The following C1QTNF1 variants were observed in gnomAD, a reference collection of about 807,000 sequenced individuals.
C1QTNF1 encodes the protein C1q and TNF related 1, also known as complement C1q tumor necrosis factor-related protein 1.
In C1QTNF1, 22 loss-of-function variants were observed where a neutral mutation model predicts 27.8. That is an observed-to-expected ratio of 0.79 (90% CI 0.56 to 1.13). The LOEUF (loss-of-function observed/expected upper bound fraction) is 1.13, where lower values mean the gene tolerates loss of function less well. Ranked by LOEUF, C1QTNF1 falls within the 50% of genes most tolerant of loss-of-function variation. C1QTNF1 has a pLI of 0.00. For missense variants in C1QTNF1, 373 were observed against 380.2 expected (o/e 0.98, Z 0.16); for synonymous variants, 166 against 154.3 (o/e 1.08, Z -0.56).
intron 1 of C1QTNF1, among the ~76,000 whole-genome samples, chr17:79,027,205 A>G (rs1302774959): frequency 1.3e-5 from 2 of 152,054 alleles, no homozygotes; most frequent in Non-Finnish European, 2.9e-5. Flanking sequence ...CTGCCTGACA[A>G]TCAGTAGCCT....
At chr17:79,047,183 C>T (rs1332410518) in intron 3 of C1QTNF1, 1 of 278,674 alleles carries the variant, frequency 3.6e-6, no homozygotes, top group African/African-American at 2.2e-5. Context: ...GGTCTGGCCG[C>T]AGAGCCCATT....
At chr17:79,047,016 T>G in intron 3 of C1QTNF1, 2 of 326,506 alleles carry the variant, frequency 6.1e-6, no homozygotes, top group South Asian at 6.2e-5. Context: ...TGGGGCTTGG[T>G]CCCCCAGCCT....
At position 79,044,119 on chromosome 17, in the gene C1QTNF1, G is replaced by A. The variant is rs375349048; in HGVS notation, c.151G>A (p.Glu51Lys). 177 of 1,606,362 alleles carry A rather than the reference G, an allele frequency of 1.1e-4. 1 individual carries two copies. Among genetic ancestry groups the A allele is most frequent in the Admixed American group, 8.1e-4 (48 of 59,496 alleles). ...EELPSPPDHA[E>K]RAEEQHEKYR... is the part of the protein sequence containing the mutation. ...GCTGCCGTCGCCTCCGGACCATGCCGAGAGGTGAGGGGCCACGAGGGTGTA... is the reference window on the plus strand; with the variant it reads ...GCTGCCGTCGCCTCCGGACCATGCCAAGAGGTGAGGGGCCACGAGGGTGTA... Residue 51 changes from glutamate (E) to lysine (K), a missense_variant, in exon 2 of 4, where the codon GAG becomes AAG. Physicochemically the swap from Glu to Lys is moderately conservative, Grantham distance 56 (BLOSUM62 1). Coordinates refer to ENST00000579760, the MANE Select transcript of C1QTNF1 (RefSeq NM_030968.5).
At chr17:79,030,521 CTTTCTTTCTTCT>C (rs1344775316) in intron 1 of C1QTNF1, among the ~76,000 whole-genome samples, 22 of 115,256 alleles carry the variant, frequency 1.9e-4, no homozygotes, top group Admixed American at 5.5e-4. Flanking sequence ...TTCTTTCTTT[CTTTCTTTCTTCT>C]TTCTTTCTTT....
At position 79,033,546 on chromosome 17, in the gene C1QTNF1, T is replaced by A. The variant is rs2072190547; in HGVS notation, c.-15+9052T>A. On this transcript the variant is annotated intron_variant, in intron 1 of 3. Coordinates refer to ENST00000579760, the MANE Select transcript of C1QTNF1 (RefSeq NM_030968.5). The stretch of plus-strand genomic sequence containing the variant: ...ATCCTGTCTCTAAAAAAAAAAAATT[T>A]TTTTTTTTAATTAGCTGGATGTGGT... 2.0e-5 allele frequency among the ~76,000 whole-genome samples: 3 copies of A among 151,902 alleles called. No individual in the cohort carries two copies. The South Asian group carries it at 6.3e-4, about 32-fold the overall frequency.
chr17:79,026,750 G>A (rs1211953996), intron 1 of C1QTNF1, among the ~76,000 whole-genome samples: 1 of 152,158 alleles, frequency 6.6e-6, no homozygotes. Context: ...TCCCAGGCAG[G>A]TGCAGCCAGC....
chr17:79,038,512 A>G (rs1217941457), intron 1 of C1QTNF1, among the ~76,000 whole-genome samples: 1 of 152,192 alleles, frequency 6.6e-6, no homozygotes, highest in Non-Finnish European at 1.5e-5. Flanking sequence ...TGGTCGCCGA[A>G]TTACCATGGA....
intron 1 of C1QTNF1, among the ~76,000 whole-genome samples, chr17:79,042,269 G>A (rs967402792): frequency 5.9e-5 from 9 of 152,280 alleles, no homozygotes; most frequent in Non-Finnish European, 1.0e-4. Flanking sequence ...ATTCCTGGGC[G>A]AGGGGAGCAA....
rs578018270 is a variant in C1QTNF1, at chr17:79,047,516, C to T, written c.296-22C>T. On this transcript the variant is annotated intron_variant, in intron 3 of 3. Coordinates refer to ENST00000579760, the MANE Select transcript of C1QTNF1 (RefSeq NM_030968.5). ...CTACCGGATTGCTCCATTAACAGCA[C>T]GCGTTTTCCCATCCCTTTTAGGGGA... 3.6e-5 allele frequency: 54 copies of T among 1,517,888 alleles called. No individual in the cohort carries two copies. The African/African-American group carries it at 4.2e-4, about 12-fold the overall frequency. The allele number at this position is 1,517,888 out of a possible 1,614,324, so 94.0% of individuals were successfully genotyped here. A position where few individuals can be genotyped will look rare whatever the true frequency, so the allele number is the denominator to read the frequency against.
At chr17:79,031,248 G>A (rs2072133774) in intron 1 of C1QTNF1, among the ~76,000 whole-genome samples, 1 of 151,636 alleles carries the variant, frequency 6.6e-6, no homozygotes, top group Non-Finnish European at 1.5e-5. Context: ...CTCGTGATCT[G>A]CCTGCCTCGG....
intron 1 of C1QTNF1, among the ~76,000 whole-genome samples, chr17:79,029,517 G>A (rs1461994240): frequency 1.7e-4 from 26 of 152,304 alleles, no homozygotes; most frequent in Non-Finnish European, 7.4e-5. Context: ...CCAGAGTCTG[G>A]CTCTCAGTGG....
chr17:79,040,581 A>C (rs58270673), intron 1 of C1QTNF1, among the ~76,000 whole-genome samples: 21,972 of 151,626 alleles, frequency 0.14, 2,060 homozygotes, highest in African/African-American at 0.26. Flanking sequence ...TCTGAGTCCA[A>C]ATGCAGCCCC....
In C1QTNF1 at chr17:79,046,008, G is replaced by A. The variant is rs1294032304; in HGVS notation, c.156-547G>A. On this transcript the variant is annotated intron_variant, in intron 2 of 3. Transcript: ENST00000579760. The surrounding 1 kb of genome is among the most constrained non-coding windows in gnomAD (Gnocchi z 4.8). Reference sequence around the variant, plus strand: ...ACAGCCTGGGCAAGAAGAGCCACAAGCCAGAGCACATGTGATGCCATGAGG... The same window carrying A: ...ACAGCCTGGGCAAGAAGAGCCACAAACCAGAGCACATGTGATGCCATGAGG... 6.6e-6 allele frequency among the ~76,000 whole-genome samples: 1 copy of A among 152,156 alleles called. No homozygotes were observed. Among genetic ancestry groups the A allele is most frequent in the Non-Finnish European group, 1.5e-5 (1 of 68,028 alleles).
intron 1 of C1QTNF1, among the ~76,000 whole-genome samples, chr17:79,025,219 C>T (rs887427198): frequency 1.4e-4 from 21 of 152,220 alleles, no homozygotes; most frequent in Non-Finnish European, 3.1e-4. Context: ...CACCACCCAG[C>T]CCTCCATGGC....
chr17:79,023,427 C>G (rs1388017927), upstream of C1QTNF1, among the ~76,000 whole-genome samples: 1 of 152,146 alleles, frequency 6.6e-6, no homozygotes, highest in African/African-American at 2.4e-5. Context: ...CAGCCTGGAT[C>G]AGGGATCAGG....
At chr17:79,028,973 T>G (rs1312292502) in intron 1 of C1QTNF1, among the ~76,000 whole-genome samples, 1 of 151,578 alleles carries the variant, frequency 6.6e-6, no homozygotes, top group African/African-American at 2.4e-5. Flanking sequence ...TAAACTCCGG[T>G]GGTGTATTTT....
chr17:79,043,681 G>T (rs947545432), intron 1 of C1QTNF1: 2 of 570,432 alleles, frequency 3.5e-6, no homozygotes, highest in Non-Finnish European at 3.3e-6. Flanking sequence ...TTGCATGTGT[G>T]TTGAGTGTGT....
At chr17:79,040,285 C>A (rs1253760963) in intron 1 of C1QTNF1, among the ~76,000 whole-genome samples, 1 of 152,040 alleles carries the variant, frequency 6.6e-6, no homozygotes, top group Non-Finnish European at 1.5e-5. Context: ...CACGGTGAAA[C>A]CGTGTCTTTA....
chr17:79,046,317 T>G lies in C1QTNF1; in HGVS notation c.156-238T>G, dbSNP rs915866341. On this transcript the variant is annotated intron_variant, in intron 2 of 3. Transcript: ENST00000579760. The surrounding 1 kb of genome is among the most constrained non-coding windows in gnomAD (Gnocchi z 4.8). ...GCCCCCATCTTGCGTGGCACTCAATTGATCGCTGCGTGTGTTTCCAGGACT... is the reference window on the plus strand; with the variant it reads ...GCCCCCATCTTGCGTGGCACTCAATGGATCGCTGCGTGTGTTTCCAGGACT... Among the ~76,000 whole-genome samples the G allele has an allele frequency of 2.6e-5, 4 of 152,188 alleles. No homozygotes were observed. The highest frequency in any genetic ancestry group is 9.7e-5 in the African/African-American group (4 of 41,436).
Sources: gnomAD v4.1 joint callset for allele counts (sites outside exome capture counted in the v4.1 genomes callset) on GRCh38, gnomAD v4.1.1 for gene constraint, Gnocchi (gnomAD v3.1) non-coding constraint, MANE v1.5 for transcripts, NCBI Gene and HGNC (gene_info 2026-07-23, HGNC 2026-07-21) for gene names.